Variants in DLG2 observed in about 807,000 individuals in gnomAD.
DLG2 encodes the protein disks large homolog 2.
In DLG2, 45 loss-of-function variants were observed where a neutral mutation model predicts 132.5. The ratio of observed to expected loss-of-function variants is 0.34; its 90% confidence interval spans 0.27 to 0.44. The LOEUF (loss-of-function observed/expected upper bound fraction) is 0.44. Ranked by LOEUF, DLG2 falls within the 20% of genes least tolerant of loss-of-function variation. The probability of loss-of-function intolerance (pLI) is 1.00; values close to 1 mark genes in which losing one functional copy is unlikely to be tolerated. For missense variants in DLG2, 1,045 were observed against 1,196.9 expected (o/e 0.87, Z 1.87); for synonymous variants, 424 against 419.6 (o/e 1.01, Z -0.13).
rs1036309462 is a variant in DLG2, at chr11:83,754,305, T to C, written c.1825+32385A>G. On this transcript the variant is annotated intron_variant, in intron 18 of 27. Coordinates refer to ENST00000376104, the MANE Select transcript of DLG2 (RefSeq NM_001142699.3). The stretch of plus-strand genomic sequence containing the variant: ...ACTTTTTAATGAGTATCTACTATTG[T>C]ATAAATAGTAGTGGCAGTGGAGCAC... Among the ~76,000 whole-genome samples the C allele has an allele frequency of 6.0e-5, 9 of 151,226 alleles. 1 individual carries two copies. The highest frequency in any genetic ancestry group is 1.5e-4 in the African/African-American group (6 of 40,546).
At chr11:84,534,978 T>C (rs1465578453) in intron 6 of DLG2, among the ~76,000 whole-genome samples, 2 of 152,150 alleles carry the variant, frequency 1.3e-5, no homozygotes, top group Non-Finnish European at 2.9e-5. Context: ...ATACTCTCTT[T>C]GTTTATGAGC....
chr11:85,258,024 A>G (rs1157302313), intron 4 of DLG2, among the ~76,000 whole-genome samples: 1 of 152,188 alleles, frequency 6.6e-6, no homozygotes, highest in Non-Finnish European at 1.5e-5. Flanking sequence ...GGACTCAGGA[A>G]CTGATACTGT....
At chr11:84,412,096 G>T (rs551906235) in intron 7 of DLG2, among the ~76,000 whole-genome samples, 1 of 151,554 alleles carries the variant, frequency 6.6e-6, no homozygotes, top group African/African-American at 2.4e-5. Context: ...CTTAGCTAAA[G>T]TCTGCCCCAT....
intron 19 of DLG2, among the ~76,000 whole-genome samples, chr11:83,583,440 T>A (rs192464462): frequency 6.6e-6 from 1 of 152,228 alleles, no homozygotes; most frequent in Non-Finnish European, 1.5e-5. Context: ...GAACACCAAC[T>A]ATGAATCTGA....
intron 16 of DLG2, among the ~76,000 whole-genome samples, chr11:83,874,191 A>T (rs2064080926): frequency 7.7e-6 from 1 of 129,774 alleles, no homozygotes; most frequent in Non-Finnish European, 1.7e-5. Flanking sequence ...AAAAAAGGAC[A>T]AAAGAAAGAG....
chr11:83,793,475 G>A (rs2042067239), intron 17 of DLG2, among the ~76,000 whole-genome samples: 1 of 152,150 alleles, frequency 6.6e-6, no homozygotes. Context: ...CAAGTGAACA[G>A]CCACAATTTC....
intron 21 of DLG2, among the ~76,000 whole-genome samples, chr11:83,515,109 C>T (rs1420799923): frequency 1.3e-5 from 2 of 152,108 alleles, no homozygotes; most frequent in Non-Finnish European, 2.9e-5. Flanking sequence ...ATGGTACCAG[C>T]TCCTCCTTGT....
At chr11:84,012,977 C>T (rs2094969069) in intron 11 of DLG2, among the ~76,000 whole-genome samples, 1 of 151,068 alleles carries the variant, frequency 6.6e-6, no homozygotes, top group African/African-American at 2.4e-5. Context: ...TCAGATCTGT[C>T]TTTTAAAGGA....
At chr11:84,545,585 C>G in intron 6 of DLG2, 2 of 367,776 alleles carry the variant, frequency 5.4e-6, no homozygotes, top group South Asian at 2.4e-5. Flanking sequence ...TTCCTAACTT[C>G]ACAGTTGTGG....
intron 4 of DLG2, among the ~76,000 whole-genome samples, chr11:85,260,454 C>A (rs953719770): frequency 2.6e-5 from 4 of 152,188 alleles, no homozygotes; most frequent in African/African-American, 9.7e-5. Flanking sequence ...TCTTCTTCCA[C>A]ATGAAAGCTG....
chr11:83,618,577 G>T (rs1390273362), intron 19 of DLG2, among the ~76,000 whole-genome samples: 2 of 152,132 alleles, frequency 1.3e-5, no homozygotes, highest in Non-Finnish European at 2.9e-5. Context: ...TTATGTTACT[G>T]AGGTCATAAG....
chr11:85,579,111 C>T (rs1285363494), intron 3 of DLG2, among the ~76,000 whole-genome samples: 1 of 152,024 alleles, frequency 6.6e-6, no homozygotes, highest in East Asian at 1.9e-4. Flanking sequence ...GAGGCCATTA[C>T]CTTTAGCAAA....
At chr11:84,734,897 A>G (rs1429749456) in intron 6 of DLG2, among the ~76,000 whole-genome samples, 1 of 152,084 alleles carries the variant, frequency 6.6e-6, no homozygotes, top group Admixed American at 6.5e-5. Context: ...TGAGATAATC[A>G]TGTGGTTTTT....
chr11:83,723,650 T>C (rs1440221613), intron 18 of DLG2, among the ~76,000 whole-genome samples: 1 of 151,812 alleles, frequency 6.6e-6, no homozygotes, highest in Non-Finnish European at 1.5e-5. Flanking sequence ...AGGTCAGGAG[T>C]TTGAGACCAG....
intron 8 of DLG2, among the ~76,000 whole-genome samples, chr11:84,241,151 C>A (rs149715226): frequency 6.6e-6 from 1 of 152,314 alleles, no homozygotes; most frequent in East Asian, 1.9e-4. Context: ...TTCTCTGATT[C>A]CTTGAAATAG....
chr11:85,467,773 T>C lies in DLG2; in HGVS notation c.40+130884A>G, dbSNP rs557242044. Among the ~76,000 whole-genome samples, 26 of 152,306 alleles carry C rather than the reference T, an allele frequency of 1.7e-4. 1 individual carries two copies. In the South Asian group the frequency reaches 5.4e-3, roughly 32 times the overall value. On this transcript the variant is annotated intron_variant, in intron 3 of 27. Coordinates refer to ENST00000376104, the MANE Select transcript of DLG2 (RefSeq NM_001142699.3). ...CAGGGATATAGGCCTAAAATTATCT[T>C]TTTTTGTTATGTCTCTGCCAGGCTT...
At chr11:85,292,428 C>A (rs1055148086) in intron 3 of DLG2, among the ~76,000 whole-genome samples, 17 of 151,264 alleles carry the variant, frequency 1.1e-4, no homozygotes, top group African/African-American at 3.6e-4. Context: ...AAAGCAAGTA[C>A]CAAGTAAGGG....
intron 6 of DLG2, among the ~76,000 whole-genome samples, chr11:85,005,122 T>C (rs1197952719): frequency 2.6e-5 from 4 of 152,238 alleles, no homozygotes; most frequent in Non-Finnish European, 5.9e-5. Context: ...CTGTTTTGGT[T>C]ACTGTAGCCT....
rs148103523 is a variant in DLG2 at position 83,617,455 on chromosome 11, C to T, written c.1940+15756G>A. On this transcript the variant is annotated intron_variant, in intron 19 of 27. Transcript: ENST00000376104. ...TTAGTATTGTTATATGGAAATACAA[C>T]TGATTACTTTGATATTAACCTTGTT... Among the ~76,000 whole-genome samples, 83 of 152,260 alleles carry T rather than the reference C, an allele frequency of 5.5e-4. 1 individual carries two copies. The highest frequency in any genetic ancestry group is 1.8e-3 in the African/African-American group (76 of 41,542).
Sources: gnomAD v4.1 joint callset for allele counts (sites outside exome capture counted in the v4.1 genomes callset) on GRCh38, gnomAD v4.1.1 for gene constraint, MANE v1.5 for transcripts, NCBI Gene and HGNC (gene_info 2026-07-23, HGNC 2026-07-21) for gene names.